ANKRD36C: variants seen among roughly 807,000 people sequenced by gnomAD.
The protein encoded by ANKRD36C is ankyrin repeat domain 36C, also known as ankyrin repeat domain-containing protein 36C.
In ANKRD36C, 61 loss-of-function variants were observed where a neutral mutation model predicts 276.4. The observed-to-expected ratio is 0.22, with a 90% CI of 0.18 to 0.27. The LOEUF is 0.27. Ranked by LOEUF, ANKRD36C falls within the 10% of genes least tolerant of loss-of-function variation. ANKRD36C has a pLI of 1.00. For synonymous variants in ANKRD36C, 483 were observed against 680.1 expected, an observed-to-expected ratio of 0.71 and a Z score of 4.51; for missense variants, 1,447 against 2,032.3, an observed-to-expected ratio of 0.71 and a Z score of 5.54.
intron 50 of ANKRD36C, among the ~76,000 whole-genome samples, chr2:95,886,888 C>T (rs1676214892): frequency 6.6e-6 from 1 of 151,708 alleles, no homozygotes; most frequent in Admixed American, 6.6e-5. Flanking sequence ...AACATTTCTT[C>T]ATCCACTCGT....
chr2:95,959,942 A>G (rs1238111020), intron 10 of ANKRD36C, among the ~76,000 whole-genome samples: 1 of 152,236 alleles, frequency 6.6e-6, no homozygotes, highest in Non-Finnish European at 1.5e-5. Flanking sequence ...GAGTTCCCTC[A>G]GGTTTCCTCA....
chr2:95,943,025 T>G (rs547777971), intron 19 of ANKRD36C, among the ~76,000 whole-genome samples: 1 of 152,428 alleles, frequency 6.6e-6, no homozygotes, highest in South Asian at 2.1e-4. Context: ...TCATGAGTGT[T>G]GACTGCATTC....
At chr2:95,943,851 TAATA>T (rs1677963395) in intron 19 of ANKRD36C, among the ~76,000 whole-genome samples, 1 of 152,074 alleles carries the variant, frequency 6.6e-6, no homozygotes, top group Non-Finnish European at 1.5e-5. Flanking sequence ...ATTTTTAAAT[TAATA>T]AATAGATGTA....
downstream of ANKRD36C, among the ~76,000 whole-genome samples, chr2:95,850,035 AT>A (rs558584481): frequency 5.9e-5 from 9 of 152,398 alleles, no homozygotes; most frequent in Admixed American, 2.0e-4. Flanking sequence ...TATCTAAATG[AT>A]TTCACAGTTA....
At chr2:95,880,113 G>A (rs1676043090) in intron 58 of ANKRD36C, among the ~76,000 whole-genome samples, 1 of 145,914 alleles carries the variant, frequency 6.9e-6, no homozygotes, top group African/African-American at 2.5e-5. Context: ...CAGGAAGGTG[G>A]AGGTTGTCGT....
At chr2:95,934,136 C>G (rs371767078) in intron 24 of ANKRD36C, among the ~76,000 whole-genome samples, 1 of 152,136 alleles carries the variant, frequency 6.6e-6, no homozygotes, top group African/African-American at 2.4e-5. Flanking sequence ...GAAATAGGAA[C>G]GCTTTTATAT....
At chr2:95,924,342 G>A (rs1054411017) in intron 30 of ANKRD36C, among the ~76,000 whole-genome samples, 13 of 151,404 alleles carry the variant, frequency 8.6e-5, no homozygotes, top group African/African-American at 2.9e-4. Context: ...TCCACTAATG[G>A]CAAGAAGGTA....
chr2:95,874,310 G>A (rs888072612), intron 59 of ANKRD36C, among the ~76,000 whole-genome samples: 1 of 152,136 alleles, frequency 6.6e-6, no homozygotes, highest in Non-Finnish European at 1.5e-5. Flanking sequence ...AAAACAGCAT[G>A]GTACTGGTAC....
At chr2:95,866,435 G>A (rs1048586814) in intron 60 of ANKRD36C, among the ~76,000 whole-genome samples, 69 of 152,074 alleles carry the variant, frequency 4.5e-4, no homozygotes, top group Middle Eastern at 6.8e-3. Flanking sequence ...AATTCAACAC[G>A]TAAGAAAACA....
At chr2:95,861,320 G>T (rs76371948) in intron 60 of ANKRD36C, among the ~76,000 whole-genome samples, 1 of 151,506 alleles carries the variant, frequency 6.6e-6, no homozygotes, top group South Asian at 2.1e-4. Context: ...AATTTGACAC[G>T]ATAAACTGCA....
rs985124869 is a variant in ANKRD36C, at chr2:95,910,296, C to A, written c.2653+1948G>T. On this transcript the variant is annotated intron_variant, in intron 42 of 66. Coordinates refer to ENST00000456556, the Ensembl canonical transcript of ANKRD36C. The stretch of plus-strand genomic sequence containing the variant: ...CAGAAAGTGCAGCTTCGACGAGCCA[C>A]CCGCTGCTTTATTTGGAGAAGAGAA... The A allele has an allele frequency of 2.3e-5, 33 of 1,437,554 alleles. No homozygotes were observed. The African/African-American group carries it at 4.5e-4, about 19-fold the overall frequency. 89.0% of individuals were successfully genotyped at this position (1,437,554 alleles called of 1,614,324 possible). A position where few individuals can be genotyped will look rare whatever the true frequency, so the allele number is the denominator to read the frequency against.
At chr2:95,870,606 G>A (rs951651407) in intron 59 of ANKRD36C, among the ~76,000 whole-genome samples, 4 of 152,140 alleles carry the variant, frequency 2.6e-5, no homozygotes, top group African/African-American at 4.8e-5. Flanking sequence ...AAAGCAGAGC[G>A]CCTCTCCTCT....
At chr2:95,978,769 T>G (rs1678861141) in intron 5 of ANKRD36C, among the ~76,000 whole-genome samples, 1 of 152,080 alleles carries the variant, frequency 6.6e-6, no homozygotes, top group African/African-American at 2.4e-5. Context: ...TATTTGTGGC[T>G]TATAATTCAG....
At chr2:95,880,542 T>C in intron 57 of ANKRD36C, 43 bp from the exon 78 acceptor site, 1 of 1,533,228 alleles carries the variant, frequency 6.5e-7, no homozygotes. Flanking sequence ...ATGATGTATA[T>C]TGGTATAGGT....
At chr2:95,946,968 A>G (rs1304137196) in intron 17 of ANKRD36C, among the ~76,000 whole-genome samples, 1 of 152,060 alleles carries the variant, frequency 6.6e-6, no homozygotes, top group African/African-American at 2.4e-5. Context: ...AGATGATGGC[A>G]CATGTATACA....
At position 95,867,333 on chromosome 2, in the gene ANKRD36C, T is replaced by C. The variant is rs1221969389; in HGVS notation, c.3682+107A>G. The C allele has an allele frequency of 5.0e-6, 3 of 604,048 alleles. No individual in the cohort carries two copies. In the African/African-American group the frequency reaches 5.6e-5, roughly 11 times the overall value. The allele number at this position is 604,048 out of a possible 1,614,324, so 37.4% of individuals were successfully genotyped here. On this transcript the variant is annotated intron_variant, in intron 60 of 66. Coordinates refer to ENST00000456556, the Ensembl canonical transcript of ANKRD36C. ...TTTAACATAAGGCATATTTCTGAGA[T>C]GAACATTCTTGTAACATATCAGTAC...
At chr2:95,868,145 C>T (rs1675720148) in intron 59 of ANKRD36C, among the ~76,000 whole-genome samples, 1 of 151,930 alleles carries the variant, frequency 6.6e-6, no homozygotes. Context: ...GTTCTGTCAC[C>T]ATGTGGTGGA....
chr2:95,929,018 A>G (rs1245868615), intron 26 of ANKRD36C, 54 bp downstream of exon 26: 1 of 1,596,986 alleles, frequency 6.3e-7, no homozygotes. Flanking sequence ...TGGGGAAGGG[A>G]AGTTCTCTTC....
At chr2:95,960,992 T>C (rs1354124664) in intron 8 of ANKRD36C, among the ~76,000 whole-genome samples, 1 of 152,070 alleles carries the variant, frequency 6.6e-6, no homozygotes, top group Non-Finnish European at 1.5e-5. Flanking sequence ...CAGCAACTCA[T>C]ACACTTGGGA....
Sources: gnomAD v4.1 joint callset for allele counts (sites outside exome capture counted in the v4.1 genomes callset) on GRCh38, gnomAD v4.1.1 for gene constraint, MANE v1.5 for transcripts, NCBI Gene and HGNC (gene_info 2026-07-23, HGNC 2026-07-21) for gene names.